The following UVRAG variants were observed in gnomAD, a reference collection of about 807,000 sequenced individuals.
UVRAG encodes UV radiation resistance-associated gene protein.
A neutral mutation model predicts 78.0 loss-of-function variants in UVRAG; 19 were observed. The observed-to-expected ratio is 0.24, with a 90% CI of 0.17 to 0.36. The LOEUF (loss-of-function observed/expected upper bound fraction) is 0.36, where lower values mean the gene tolerates loss of function less well. UVRAG is among the 10% of genes least tolerant of loss of function. The pLI is 1.00. For synonymous variants in UVRAG, 323 were observed against 324.6 expected, an observed-to-expected ratio of 1.00 and a Z score of 0.05; for missense variants, 740 against 853.8, an observed-to-expected ratio of 0.87 and a Z score of 1.66.
At chr11:76,056,662 A>G (rs1950990521) in intron 12 of UVRAG, among the ~76,000 whole-genome samples, 1 of 152,208 alleles carries the variant, frequency 6.6e-6, no homozygotes, top group Non-Finnish European at 1.5e-5. Context: ...TGTGTTACCT[A>G]TAAACTGGAG....
chr11:76,063,155 T>C (rs897475574), intron 12 of UVRAG, among the ~76,000 whole-genome samples: 1 of 152,222 alleles, frequency 6.6e-6, no homozygotes, highest in African/African-American at 2.4e-5. Context: ...TAGCAGTGCG[T>C]AGAGACTTGA....
At position 76,126,608 on chromosome 11, in the gene UVRAG, C is replaced by T. The variant is rs558100389; in HGVS notation, c.1397+10593C>T. On this transcript the variant is annotated intron_variant, in intron 14 of 14. Coordinates refer to ENST00000356136, the MANE Select transcript of UVRAG (RefSeq NM_003369.4). The stretch of plus-strand genomic sequence containing the variant: ...CATTTTTAATGGCTACGTAGTATTT[C>T]ATCATTTAGATTTACTATAACAATA... 3.9e-5 allele frequency among the ~76,000 whole-genome samples: 6 copies of T among 152,286 alleles called. No individual in the cohort carries two copies. In the South Asian group the frequency reaches 1.2e-3, roughly 32 times the overall value.
chr11:75,856,504 G>A (rs559080497), intron 2 of UVRAG, among the ~76,000 whole-genome samples: 6 of 152,026 alleles, frequency 3.9e-5, no homozygotes, highest in Admixed American at 2.6e-4. Flanking sequence ...AGGCTGGAGT[G>A]CAGAATCACA....
At chr11:76,009,436 T>G (rs959088816) in intron 11 of UVRAG, among the ~76,000 whole-genome samples, 2 of 152,210 alleles carry the variant, frequency 1.3e-5, no homozygotes, top group African/African-American at 4.8e-5. Flanking sequence ...TTTCCTACTC[T>G]GCAAATATTC....
At chr11:76,022,984 A>G (rs1396685087) in intron 12 of UVRAG, among the ~76,000 whole-genome samples, 1 of 152,078 alleles carries the variant, frequency 6.6e-6, no homozygotes, top group Non-Finnish European at 1.5e-5. Flanking sequence ...CATTTATAAC[A>G]TTCTAGTTTG....
intron 3 of UVRAG, among the ~76,000 whole-genome samples, chr11:75,878,076 C>T (rs1480154465): frequency 2.7e-5 from 4 of 148,436 alleles, no homozygotes; most frequent in Admixed American, 2.0e-4. Context: ...GGGCGGCTGC[C>T]GGGCGGAGGG....
chr11:76,139,238 G>A (rs1952657113), intron 14 of UVRAG, among the ~76,000 whole-genome samples: 1 of 152,198 alleles, frequency 6.6e-6, no homozygotes, highest in South Asian at 2.1e-4. Flanking sequence ...TGCATCAGAG[G>A]AGAGAGAGCA....
intron 8 of UVRAG, among the ~76,000 whole-genome samples, chr11:76,001,966 G>A (rs2135327751): frequency 6.6e-6 from 1 of 152,292 alleles, no homozygotes; most frequent in South Asian, 2.1e-4. Context: ...CATTAATCAA[G>A]CTCATTCTAG....
intron 7 of UVRAG, among the ~76,000 whole-genome samples, chr11:75,975,737 AGTTGCTT>A (rs1949225051): frequency 6.6e-6 from 1 of 152,232 alleles, no homozygotes. Flanking sequence ...ACTTTGCTGC[AGTTGCTT>A]ATCAGCTTAA....
intron 4 of UVRAG, among the ~76,000 whole-genome samples, chr11:75,887,780 C>T (rs1404679671): frequency 1.3e-5 from 2 of 151,944 alleles, no homozygotes; most frequent in African/African-American, 2.4e-5. Context: ...GACGGGGTTT[C>T]GCCATGTTGG....
intron 10 of UVRAG, among the ~76,000 whole-genome samples, chr11:76,008,606 A>G (rs1591126935): frequency 6.6e-6 from 1 of 152,198 alleles, no homozygotes; most frequent in East Asian, 1.9e-4. Flanking sequence ...CTTAAATGTT[A>G]TTATAGAAAA....
chr11:76,081,572 A>T (rs963552349), intron 13 of UVRAG, among the ~76,000 whole-genome samples: 1 of 151,964 alleles, frequency 6.6e-6, no homozygotes, highest in Non-Finnish European at 1.5e-5. Flanking sequence ...GAAGTAAATA[A>T]TCTTTTCATT....
At chr11:75,955,889 G>T (rs1948787020) in intron 6 of UVRAG, among the ~76,000 whole-genome samples, 1 of 152,148 alleles carries the variant, frequency 6.6e-6, no homozygotes, top group South Asian at 2.1e-4. Flanking sequence ...CCACCATCTA[G>T]AAAAATAAAG....
intron 12 of UVRAG, among the ~76,000 whole-genome samples, chr11:76,017,655 T>G (rs1950174268): frequency 2.0e-5 from 3 of 152,034 alleles, no homozygotes; most frequent in Non-Finnish European, 4.4e-5. Flanking sequence ...GAGAAAGACA[T>G]GATAGCATGA....
At chr11:76,035,114 G>A (rs556732156) in intron 12 of UVRAG, among the ~76,000 whole-genome samples, 2 of 152,216 alleles carry the variant, frequency 1.3e-5, no homozygotes, top group Admixed American at 6.5e-5. Flanking sequence ...TCCATACAGC[G>A]AATATTTATT....
intron 6 of UVRAG, among the ~76,000 whole-genome samples, chr11:75,925,472 TTATTCC>T (rs1206042081): frequency 1.3e-5 from 2 of 152,180 alleles, no homozygotes; most frequent in African/African-American, 4.8e-5. Context: ...TGTAATAACC[TTATTCC>T]TACAGTTGAT....
At position 76,103,138 on chromosome 11, in the gene UVRAG, A is replaced by G. The variant is rs189485655; in HGVS notation, c.1306-12786A>G. On this transcript the variant is annotated intron_variant, in intron 13 of 14. Coordinates refer to ENST00000356136, the MANE Select transcript of UVRAG (RefSeq NM_003369.4). ...CCATCAAGCCCTTCTCATACTTTGA[A>G]TCTCTCTCTCTGTCTTCTGCTGCCA... Among the ~76,000 whole-genome samples the G allele has an allele frequency of 3.0e-3, 456 of 152,228 alleles. 6 individuals carry two copies. Among genetic ancestry groups the G allele is most frequent in the African/African-American group, 9.9e-3 (411 of 41,530 alleles).
intron 12 of UVRAG, among the ~76,000 whole-genome samples, chr11:76,032,380 A>C (rs1406026367): frequency 6.6e-6 from 1 of 152,208 alleles, no homozygotes; most frequent in Non-Finnish European, 1.5e-5. Flanking sequence ...TAAATGATCA[A>C]TTAGTTTTTA....
intron 12 of UVRAG, among the ~76,000 whole-genome samples, chr11:76,034,662 A>AT (rs566742712): frequency 4.5e-4 from 68 of 151,858 alleles, no homozygotes; most frequent in African/African-American, 1.3e-3. Context: ...TGGCTTCTTG[A>AT]TTGGTTTTAA....
Sources: allele counts gnomAD v4.1 joint callset (sites outside exome capture counted in the v4.1 genomes callset), GRCh38; gene constraint gnomAD v4.1.1; transcripts MANE v1.5; gene names NCBI Gene and HGNC (gene_info 2026-07-23, HGNC 2026-07-21).